Variants in B3GALT9 observed in about 807,000 individuals in gnomAD.
B3GALT9 encodes the protein UDP-GlcNAc:betaGal beta-1,3-N-acetylglucosaminyltransferase 10 (putative).
At chr9:120,797,726 A>G (rs891571308) in intron 2 of B3GALT9, among the ~76,000 whole-genome samples, 2 of 152,212 alleles carry the variant, frequency 1.3e-5, no homozygotes, top group Non-Finnish European at 2.9e-5. Context: ...CTGGCACAAA[A>G]GCAAGTGCAT....
Position 120,801,628 on chromosome 9 carries a change from T to C in B3GALT9, c.*1950T>C, listed in dbSNP as rs117082930. The stretch of plus-strand genomic sequence containing the variant: ...GGTGGTACGTGCCTGTAATCCCAGC[T>C]ACGCGGGAGGCTGACACAGGAAAAT... On this transcript the variant is annotated 3_prime_UTR_variant, in exon 3 of 3. Coordinates refer to ENST00000689072, the MANE Select transcript of B3GALT9 (RefSeq NM_001386823.1). 1.3e-5 allele frequency among the ~76,000 whole-genome samples: 2 copies of C among 152,308 alleles called. No homozygotes were observed. The highest frequency in any genetic ancestry group is 2.9e-5 in the Non-Finnish European group (2 of 68,026).
intron 2 of B3GALT9, 77 bp from the exon 3 acceptor site, chr9:120,798,498 T>A: frequency 5.0e-6 from 2 of 398,748 alleles, no homozygotes; most frequent in Non-Finnish European, 8.8e-6. Flanking sequence ...CTGTGAGAGG[T>A]CCGTATAGGG....
rs139435970 is a variant in B3GALT9, at chr9:120,801,761, T to TA, written c.*2086dup. On this transcript the variant is annotated 3_prime_UTR_variant, in exon 3 of 3. Transcript: ENST00000689072. Reference sequence around the variant, plus strand: ...TCTCAAAAAACAAAATAAAATAAAATAAATAAAGTGATTTGCTTTCATGCT... The same window carrying TA: ...TCTCAAAAAACAAAATAAAATAAAATAAAATAAAGTGATTTGCTTTCATGCT... Among the ~76,000 whole-genome samples the TA allele has an allele frequency of 0.011, 1,629 of 152,150 alleles. 19 individuals carry two copies. Among genetic ancestry groups the TA allele is most frequent in the African/African-American group, 0.037 (1,541 of 41,518 alleles).
Position 120,801,355 on chromosome 9 carries a change from G to A in B3GALT9, c.*1677G>A, listed in dbSNP as rs1003203188. Among the ~76,000 whole-genome samples the A allele has an allele frequency of 2.0e-5, 3 of 152,112 alleles. No homozygotes were observed. The highest frequency in any genetic ancestry group is 7.2e-5 in the African/African-American group (3 of 41,428). ...ACTTTGCATTTCCCTGATGATTAGT[G>A]GTATTGAGCATTTTTTTTTCATATA... is the stretch of plus-strand genomic sequence containing the variant. On this transcript the variant is annotated 3_prime_UTR_variant, in exon 3 of 3. Transcript: ENST00000689072.
chr9:120,796,198 A>G (rs2044937337), intron 1 of B3GALT9, among the ~76,000 whole-genome samples: 1 of 152,208 alleles, frequency 6.6e-6, no homozygotes, highest in Non-Finnish European at 1.5e-5. Flanking sequence ...ACTCCAAAAA[A>G]AAGTATAGGA....
At position 120,801,381 on chromosome 9, in the gene B3GALT9, C is replaced by T. The variant is rs569112990; in HGVS notation, c.*1703C>T. Among the ~76,000 whole-genome samples the T allele has an allele frequency of 5.9e-5, 9 of 151,874 alleles. 1 individual carries two copies. The highest frequency in any genetic ancestry group is 2.2e-4 in the African/African-American group (9 of 41,422). On this transcript the variant is annotated 3_prime_UTR_variant, in exon 3 of 3. Coordinates refer to ENST00000689072, the MANE Select transcript of B3GALT9 (RefSeq NM_001386823.1). ...GTATTGAGCATTTTTTTTTCATATA[C>T]CTGTTGGCCATTTGTACTTCTTCTT...
In B3GALT9 at chr9:120,793,602, C is replaced by T. The variant is rs1375257969; in HGVS notation, c.-502C>T. ...TGCTTAGGCTGGGTGCAACCTAGAACGGAGGTTCCTTTCGTACCGTACATC... is the reference window on the plus strand; with the variant it reads ...TGCTTAGGCTGGGTGCAACCTAGAATGGAGGTTCCTTTCGTACCGTACATC... On this transcript the variant is annotated 5_prime_UTR_variant, in exon 1 of 3. It adds an upstream start codon to the 5' untranslated region. Transcript: ENST00000689072. 2 of 399,208 alleles carry T rather than the reference C, an allele frequency of 5.0e-6. No homozygotes were observed. Among genetic ancestry groups the T allele is most frequent in the Middle Eastern group, 6.3e-4 (1 of 1,590 alleles). 24.7% of individuals were successfully genotyped at this position (399,208 alleles called of 1,614,324 possible). A position where few individuals can be genotyped will look rare whatever the true frequency, so the allele number is the denominator to read the frequency against.
intron 1 of B3GALT9, among the ~76,000 whole-genome samples, chr9:120,794,320 C>A (rs2044917216): frequency 6.6e-6 from 1 of 151,826 alleles, no homozygotes; most frequent in Non-Finnish European, 1.5e-5. Context: ...CAACCCAAAC[C>A]GACTTCAGAG....
chr9:120,797,492 C>T (rs1335115503), intron 2 of B3GALT9, among the ~76,000 whole-genome samples: 3 of 149,154 alleles, frequency 2.0e-5, no homozygotes, highest in African/African-American at 5.0e-5. Context: ...GGTGACAGAG[C>T]GAGACTCCGT....
rs2044965578 is a variant in B3GALT9 at position 120,800,743 on chromosome 9, C to T, written c.*1065C>T. ...TTGTAGTGAGAACACTTAAAATCTA[C>T]TCTACTAACAATTATCAGATATTGA... is the stretch of plus-strand genomic sequence containing the variant. On this transcript the variant is annotated 3_prime_UTR_variant, in exon 3 of 3. Coordinates refer to ENST00000689072, the MANE Select transcript of B3GALT9 (RefSeq NM_001386823.1). Among the ~76,000 whole-genome samples, 1 of 152,190 alleles carries T rather than the reference C, an allele frequency of 6.6e-6. No individual in the cohort carries two copies. Among genetic ancestry groups the T allele is most frequent in the Non-Finnish European group, 1.5e-5 (1 of 68,032 alleles).
At position 120,799,169 on chromosome 9, in the gene B3GALT9, AAAGAACACCTAG is replaced by A. The variant is rs1490236067; in HGVS notation, c.606_617del (p.Glu202_Glu205del). 2 of 398,924 alleles carry A rather than the reference AAAGAACACCTAG, an allele frequency of 5.0e-6. No individual in the cohort carries two copies. The highest frequency in any genetic ancestry group is 8.8e-6 in the Non-Finnish European group (2 of 226,076). The allele number at this position is 398,924 out of a possible 1,614,324, so 24.7% of individuals were successfully genotyped here. The stretch of plus-strand genomic sequence containing the variant: ...CTTGGTAGACTATCTTCTCAATCTG[AAAGAACACCTAG>A]AAGATATCTATGTAGGAAGAGTTCT... On this transcript the variant is annotated inframe_deletion, in exon 3 of 3. Coordinates refer to ENST00000689072, the MANE Select transcript of B3GALT9 (RefSeq NM_001386823.1).
At chr9:120,797,462 C>T (rs1428935142) in intron 2 of B3GALT9, among the ~76,000 whole-genome samples, 1 of 151,056 alleles carries the variant, frequency 6.6e-6, no homozygotes, top group African/African-American at 2.4e-5. Flanking sequence ...GCCAAGATCG[C>T]ACCACTGCAC....
At position 120,799,303 on chromosome 9, in the gene B3GALT9, G is replaced by A. The variant is rs1160708230; in HGVS notation, c.735G>A (p.Glu245=). 7 of 399,412 alleles carry A rather than the reference G, an allele frequency of 1.8e-5. No individual in the cohort carries two copies. In the East Asian group the frequency reaches 2.5e-4, roughly 14 times the overall value. 24.7% of individuals were successfully genotyped at this position (399,412 alleles called of 1,614,324 possible). ...ACTACCCAGATTACTGCAGTGGTGA[G>A]GCCTTTATAATGTCCCAAGATGTGG... ...EKYYPDYCSG[E]AFIMSQDVAR... Residue 245 remains glutamate, a synonymous_variant, in exon 3 of 3, where the codon GAG becomes GAA. Transcript: ENST00000689072.
At position 120,800,600 on chromosome 9, in the gene B3GALT9, A is replaced by G. The variant is rs1296510932; in HGVS notation, c.*922A>G. ...TCATTATAACTAAGTTTTTTTTTTT[A>G]TAAACTGACTAGTAAAAATTATGTA... is the stretch of plus-strand genomic sequence containing the variant. On this transcript the variant is annotated 3_prime_UTR_variant, in exon 3 of 3. Transcript: ENST00000689072. Among the ~76,000 whole-genome samples, 1 of 151,422 alleles carries G rather than the reference A, an allele frequency of 6.6e-6. No individual in the cohort carries two copies. Among genetic ancestry groups the G allele is most frequent in the Non-Finnish European group, 1.5e-5 (1 of 67,864 alleles).
In B3GALT9 at chr9:120,798,704, G is replaced by A. The variant is rs2044953388; in HGVS notation, c.136G>A (p.Val46Met). The A allele has an allele frequency of 5.0e-6, 2 of 399,142 alleles. No individual in the cohort carries two copies. The highest frequency in any genetic ancestry group is 8.8e-6 in the Non-Finnish European group (2 of 226,072). The allele number at this position is 399,142 out of a possible 1,614,324, so 24.7% of individuals were successfully genotyped here. A position where few individuals can be genotyped will look rare whatever the true frequency, so the allele number is the denominator to read the frequency against. ...YFLHSLPYID[V>M]KVLEIKNKAR... The stretch of plus-strand genomic sequence containing the variant: ...TCTGCATTCTTTGCCTTATATAGAT[G>A]TGAAAGTTCTTGAAATTAAGAATAA... The change falls in exon 3 of 3, where the codon GTG becomes ATG. Residue 46 changes from valine to methionine, a missense_variant. By Grantham distance (21) the Val-to-Met change is conservative. Coordinates refer to ENST00000689072, the MANE Select transcript of B3GALT9 (RefSeq NM_001386823.1).
chr9:120,801,309 A>G lies in B3GALT9; in HGVS notation c.*1631A>G, dbSNP rs1256832995. 6.6e-6 allele frequency among the ~76,000 whole-genome samples: 1 copy of G among 152,256 alleles called. No homozygotes were observed. The highest frequency in any genetic ancestry group is 1.5e-5 in the Non-Finnish European group (1 of 68,046). On this transcript the variant is annotated 3_prime_UTR_variant, in exon 3 of 3. Coordinates refer to ENST00000689072, the MANE Select transcript of B3GALT9 (RefSeq NM_001386823.1). ...ATAATGGCTGTATTATTGGTTTACC[A>G]TAATGGCTCATTGTGGTTTTACTTT...
Position 120,799,913 on chromosome 9 carries a change from AG to A in B3GALT9, c.*236del, listed in dbSNP as rs1196245136. ...TTCAAAATGAAATATTTCTCTCAAAAGAGAGAACATTATGTTTCATTGTTTA... is the reference window on the plus strand; with the variant it reads ...TTCAAAATGAAATATTTCTCTCAAAAAGAGAACATTATGTTTCATTGTTTA... On this transcript the variant is annotated 3_prime_UTR_variant, in exon 3 of 3. Transcript: ENST00000689072. 2.6e-5 allele frequency: 9 copies of A among 339,866 alleles called. No homozygotes were observed. The highest frequency in any genetic ancestry group is 4.2e-5 in the Non-Finnish European group (8 of 190,718). 21.1% of individuals were successfully genotyped at this position (339,866 alleles called of 1,614,324 possible).
chr9:120,800,676 T>C lies in B3GALT9; in HGVS notation c.*998T>C, dbSNP rs1339933340. Among the ~76,000 whole-genome samples, 1 of 152,222 alleles carries C rather than the reference T, an allele frequency of 6.6e-6. No homozygotes were observed. The highest frequency in any genetic ancestry group is 1.5e-5 in the Non-Finnish European group (1 of 68,030). On this transcript the variant is annotated 3_prime_UTR_variant, in exon 3 of 3. Transcript: ENST00000689072. The stretch of plus-strand genomic sequence containing the variant: ...ATATATGTATATGTTATAGAATGGC[T>C]AAATCAAGCTATTTAACACATGCAT...
rs1234171001 is a variant in B3GALT9 at position 120,799,757 on chromosome 9, C to T, written c.*79C>T. Reference sequence around the variant, plus strand: ...GTTATGGAAAGCATCCCTTCTTTCCCATGTTTTATGTAGGTTCTCTGAATC... The same window carrying T: ...GTTATGGAAAGCATCCCTTCTTTCCTATGTTTTATGTAGGTTCTCTGAATC... On this transcript the variant is annotated 3_prime_UTR_variant, in exon 3 of 3. Coordinates refer to ENST00000689072, the MANE Select transcript of B3GALT9 (RefSeq NM_001386823.1). 2.5e-6 allele frequency: 1 copy of T among 397,406 alleles called. No homozygotes were observed. Among genetic ancestry groups the T allele is most frequent in the East Asian group, 3.6e-5 (1 of 28,034 alleles). 24.6% of individuals were successfully genotyped at this position (397,406 alleles called of 1,614,324 possible).
Sources: allele counts gnomAD v4.1 joint callset (sites outside exome capture counted in the v4.1 genomes callset), GRCh38; gene constraint gnomAD v4.1.1; transcripts MANE v1.5; gene names NCBI Gene and HGNC (gene_info 2026-07-23, HGNC 2026-07-21).